MRPL1: variants seen among roughly 807,000 people sequenced by gnomAD.
MRPL1 encodes the protein mitochondrial ribosomal protein L1, also known as large ribosomal subunit protein uL1m.
MRPL1 carries 28 observed loss-of-function variants against 38.0 expected under a neutral mutation model. The ratio of observed to expected loss-of-function variants is 0.74; its 90% confidence interval spans 0.55 to 1.01. MRPL1 has a LOEUF of 1.01. Among genes scored for constraint, MRPL1 ranks in the 50% least tolerant of loss-of-function variants. MRPL1 has a pLI of 0.00. For synonymous variants in MRPL1, 123 were observed against 126.7 expected (o/e 0.97, Z 0.20); for missense variants, 358 against 389.8 (o/e 0.92, Z 0.69).
chr4:77,940,945 G>A (rs934952165), intron 7 of MRPL1, among the ~76,000 whole-genome samples: 1 of 152,160 alleles, frequency 6.6e-6, no homozygotes, highest in Non-Finnish European at 1.5e-5. Context: ...TGGTCAGCTA[G>A]TATTTTGTTA....
chr4:77,873,492 C>T (rs186140117), intron 2 of MRPL1, among the ~76,000 whole-genome samples: 191 of 152,320 alleles, frequency 1.3e-3, no homozygotes, highest in African/African-American at 4.4e-3. Flanking sequence ...ATACAGTCCT[C>T]AGGTTATGGG....
intron 7 of MRPL1, among the ~76,000 whole-genome samples, chr4:77,937,726 A>G (rs1737021666): frequency 6.6e-6 from 1 of 152,184 alleles, no homozygotes; most frequent in Admixed American, 6.5e-5. Flanking sequence ...TTTCTTTAGA[A>G]TATAGGGTAC....
intron 7 of MRPL1, among the ~76,000 whole-genome samples, chr4:77,930,621 C>T (rs1736823156): frequency 6.6e-6 from 1 of 152,194 alleles, no homozygotes; most frequent in African/African-American, 2.4e-5. Flanking sequence ...AAATCAATTG[C>T]TGCAGTCTCA....
intron 6 of MRPL1, among the ~76,000 whole-genome samples, chr4:77,894,893 T>G (rs1406733831): frequency 1.3e-5 from 2 of 152,052 alleles, no homozygotes; most frequent in Non-Finnish European, 1.5e-5. Flanking sequence ...ATGAATTGAT[T>G]GAGGAGAATA....
At position 77,885,086 on chromosome 4, in the gene MRPL1, A is replaced by G. The variant is rs558419778; in HGVS notation, c.403-170A>G. Among the ~76,000 whole-genome samples the G allele has an allele frequency of 4.0e-5, 6 of 151,746 alleles. No individual in the cohort carries two copies. In the South Asian group the frequency reaches 1.2e-3, roughly 31 times the overall value. On this transcript the variant is annotated intron_variant, in intron 3 of 8. Coordinates refer to ENST00000315567, the MANE Select transcript of MRPL1 (RefSeq NM_020236.4). ...TCTGTTGTGCTTTAAATTGTAATCG[A>G]TGAATAGTAATTCATGAATAGTAAT... is the stretch of plus-strand genomic sequence containing the variant.
Position 77,930,831 on chromosome 4 carries a change from C to T in MRPL1, c.778-18966C>T, listed in dbSNP as rs146847739. On this transcript the variant is annotated intron_variant, in intron 7 of 8. Coordinates refer to ENST00000315567, the MANE Select transcript of MRPL1 (RefSeq NM_020236.4). ...ACCACTTCCCTCTGCACCTCTTTCC[C>T]GCACTGCGCACTTGTCTCAGTCACA... Among the ~76,000 whole-genome samples, 53 of 152,266 alleles carry T rather than the reference C, an allele frequency of 3.5e-4. No homozygotes were observed. In the East Asian group the frequency reaches 5.0e-3, roughly 14 times the overall value.
intron 3 of MRPL1, 29 bp from the exon 4 acceptor site, chr4:77,885,227 G>T (rs375186020): frequency 5.3e-6 from 8 of 1,505,904 alleles, no homozygotes; most frequent in Non-Finnish European, 7.4e-6. Flanking sequence ...TTAACTTTAC[G>T]TAATTATTTT....
chr4:77,942,231 T>G (rs1192234310), intron 7 of MRPL1, among the ~76,000 whole-genome samples: 1 of 152,202 alleles, frequency 6.6e-6, no homozygotes, highest in East Asian at 1.9e-4. Flanking sequence ...GAGACAGTAC[T>G]TGATATAATT....
At chr4:77,920,568 G>T (rs534242137) in intron 7 of MRPL1, among the ~76,000 whole-genome samples, 24 of 152,330 alleles carry the variant, frequency 1.6e-4, no homozygotes, top group African/African-American at 5.1e-4. Context: ...TGAGCAGAGA[G>T]ACTATAGGAA....
intron 7 of MRPL1, among the ~76,000 whole-genome samples, chr4:77,938,857 T>C (rs1452615434): frequency 6.6e-6 from 1 of 152,200 alleles, no homozygotes; most frequent in South Asian, 2.1e-4. Context: ...CTGTAGGCAT[T>C]TGAGTTCGTA....
intron 6 of MRPL1, among the ~76,000 whole-genome samples, chr4:77,901,501 C>T (rs919748937): frequency 1.3e-5 from 2 of 149,494 alleles, no homozygotes; most frequent in Non-Finnish European, 3.0e-5. Context: ...ATGCTGTCTA[C>T]AAGAGACACG....
At chr4:77,905,962 G>T (rs1736148215) in intron 6 of MRPL1, among the ~76,000 whole-genome samples, 1 of 152,144 alleles carries the variant, frequency 6.6e-6, no homozygotes, top group Non-Finnish European at 1.5e-5. Context: ...TATCAAATTG[G>T]TGGTTGGAAA....
intron 6 of MRPL1, among the ~76,000 whole-genome samples, chr4:77,896,381 G>A (rs757178992): frequency 4.6e-5 from 7 of 152,050 alleles, no homozygotes; most frequent in Non-Finnish European, 1.0e-4. Flanking sequence ...TAGGCACCTT[G>A]AGTGAAGAGA....
At chr4:77,930,522 G>A (rs537654529) in intron 7 of MRPL1, among the ~76,000 whole-genome samples, 16 of 152,308 alleles carry the variant, frequency 1.1e-4, no homozygotes, top group South Asian at 1.0e-3. Context: ...GATCTGAGGC[G>A]GAGCCGAGTT....
At chr4:77,907,260 T>G (rs1736178010) in intron 6 of MRPL1, 1 of 769,914 alleles carries the variant, frequency 1.3e-6, no homozygotes, top group Non-Finnish European at 1.6e-6. Context: ...ATTAAATTTG[T>G]GTTAAAATGA....
At chr4:77,933,092 T>C (rs1736883837) in intron 7 of MRPL1, among the ~76,000 whole-genome samples, 2 of 152,162 alleles carry the variant, frequency 1.3e-5, no homozygotes, top group Non-Finnish European at 2.9e-5. Flanking sequence ...TAGGACTACA[T>C]GCGCTCCACA....
intron 4 of MRPL1, among the ~76,000 whole-genome samples, chr4:77,886,285 A>C (rs1735673751): frequency 6.6e-6 from 1 of 152,106 alleles, no homozygotes; most frequent in South Asian, 2.1e-4. Flanking sequence ...CTCCTGCCTC[A>C]GCCTACTGAG....
At chr4:77,879,730 T>C (rs1011454020) in intron 2 of MRPL1, among the ~76,000 whole-genome samples, 1 of 152,216 alleles carries the variant, frequency 6.6e-6, no homozygotes, top group Admixed American at 6.5e-5. Context: ...AGTAAAAATA[T>C]GGTTGCTCCA....
intron 7 of MRPL1, among the ~76,000 whole-genome samples, chr4:77,937,227 C>T (rs1737006876): frequency 1.3e-5 from 2 of 152,126 alleles, no homozygotes; most frequent in African/African-American, 4.8e-5. Context: ...CTGCGTTAGA[C>T]GCACGCATAC....
Sources: allele counts gnomAD v4.1 joint callset (sites outside exome capture counted in the v4.1 genomes callset), GRCh38; gene constraint gnomAD v4.1.1; transcripts MANE v1.5; gene names NCBI Gene and HGNC (gene_info 2026-07-23, HGNC 2026-07-21).